CADPS: variants seen among roughly 807,000 people sequenced by gnomAD.
The protein encoded by CADPS is calcium-dependent secretion activator 1.
In CADPS, 57 loss-of-function variants were observed where a neutral mutation model predicts 167.3. The observed-to-expected ratio is 0.34, with a 90% CI of 0.28 to 0.42. The LOEUF (loss-of-function observed/expected upper bound fraction) is 0.42. CADPS is among the 20% of genes least tolerant of loss of function. The probability of loss-of-function intolerance (pLI) is 1.00; values close to 1 mark genes in which losing one functional copy is unlikely to be tolerated. For missense variants in CADPS, 1,414 were observed against 1,738.1 expected (o/e 0.81, Z 3.32); for synonymous variants, 676 against 635.3 (o/e 1.06, Z -0.96).
chr3:62,603,462 C>T (rs954571155), intron 6 of CADPS, among the ~76,000 whole-genome samples: 4 of 152,160 alleles, frequency 2.6e-5, no homozygotes, highest in South Asian at 2.1e-4. Flanking sequence ...AAATGCCTAT[C>T]GAATCAAGGC....
Position 62,600,345 on chromosome 3 carries a change from T to C in CADPS, c.1326-7597A>G, listed in dbSNP as rs147317451. 1.1e-4 allele frequency among the ~76,000 whole-genome samples: 16 copies of C among 152,190 alleles called. No homozygotes were observed. The East Asian group carries it at 2.9e-3, about 28-fold the overall frequency. On this transcript the variant is annotated intron_variant, in intron 6 of 29. Transcript: ENST00000383710. ...AGTGATGGAAAGTGCCACCAAGCTA[T>C]ATAATAAGCTGCTATTATTACTTTT...
chr3:62,657,559 G>A (rs1242314311), intron 4 of CADPS, among the ~76,000 whole-genome samples: 1 of 152,152 alleles, frequency 6.6e-6, no homozygotes, highest in Non-Finnish European at 1.5e-5. Context: ...ATCAACATGA[G>A]AGGATTTGGG....
At chr3:62,835,691 A>G (rs1339944178) in intron 1 of CADPS, among the ~76,000 whole-genome samples, 1 of 152,196 alleles carries the variant, frequency 6.6e-6, no homozygotes, top group Non-Finnish European at 1.5e-5. Context: ...TGAGCTGCGT[A>G]GTATTGCCAG....
At chr3:62,712,842 G>A (rs1034626527) in intron 3 of CADPS, among the ~76,000 whole-genome samples, 1 of 152,108 alleles carries the variant, frequency 6.6e-6, no homozygotes, top group Non-Finnish European at 1.5e-5. Context: ...TGTGCTCTAG[G>A]GCAGTCCTCT....
At chr3:62,855,992 A>G (rs901569356) in intron 1 of CADPS, among the ~76,000 whole-genome samples, 1 of 152,216 alleles carries the variant, frequency 6.6e-6, no homozygotes, top group Non-Finnish European at 1.5e-5. Context: ...ATAAACAAAG[A>G]CTATTCTTTG....
intron 23 of CADPS, among the ~76,000 whole-genome samples, chr3:62,475,407 G>A (rs2061144600): frequency 6.6e-6 from 1 of 151,966 alleles, no homozygotes; most frequent in South Asian, 2.1e-4. Flanking sequence ...AAGTTCTGGA[G>A]ATCATACAGC....
chr3:62,488,398 A>G (rs1191287512), intron 21 of CADPS, among the ~76,000 whole-genome samples: 42 of 152,198 alleles, frequency 2.8e-4, no homozygotes, highest in Admixed American at 2.7e-3. Flanking sequence ...GCCCCGTGGC[A>G]TCCACACTCT....
chr3:62,669,165 T>G (rs552434296), intron 3 of CADPS, among the ~76,000 whole-genome samples: 3 of 152,318 alleles, frequency 2.0e-5, no homozygotes, highest in Non-Finnish European at 4.4e-5. Context: ...TACTTTGCTT[T>G]CTCTCTACTT....
At chr3:62,431,104 AG>A (rs1451179495) in intron 28 of CADPS, among the ~76,000 whole-genome samples, 3 of 152,180 alleles carry the variant, frequency 2.0e-5, no homozygotes, top group Admixed American at 2.0e-4. Context: ...AGTATGGAAA[AG>A]CTCAGCTTCA....
In CADPS at chr3:62,874,914, C is replaced by G; in HGVS notation, c.116G>C (p.Ser39Thr). 6.9e-7 allele frequency: 1 copy of G among 1,450,752 alleles called. No homozygotes were observed. Among genetic ancestry groups the G allele is most frequent in the Admixed American group, 2.3e-5 (1 of 43,504 alleles). The allele number at this position is 1,450,752 out of a possible 1,614,324, so 89.9% of individuals were successfully genotyped here. A position where few individuals can be genotyped will look rare whatever the true frequency, so the allele number is the denominator to read the frequency against. The change falls in exon 1 of 30, where the codon AGC becomes ACC. Residue 39 changes from serine to threonine, a missense_variant. Coordinates refer to ENST00000383710, the MANE Select transcript of CADPS (RefSeq NM_003716.4). The surrounding 1 kb of genome is among the most constrained non-coding windows in gnomAD (Gnocchi z 7.1). ...CCCGGCGCTGCCGGCCGAGCCCTCG[C>G]TGGTACGGCTGGGAGACAGGCGCGC... Reference protein sequence around the residue: ...SGARLSPSRTSEGSAGSAGLG... With the variant: ...SGARLSPSRTTEGSAGSAGLG...
At chr3:62,633,945 C>T (rs987647348) in intron 6 of CADPS, among the ~76,000 whole-genome samples, 2 of 152,096 alleles carry the variant, frequency 1.3e-5, no homozygotes, top group African/African-American at 2.4e-5. Flanking sequence ...TTTACTTCCC[C>T]CTGCTGCCTC....
intron 9 of CADPS, among the ~76,000 whole-genome samples, chr3:62,560,192 T>C (rs532526315): frequency 6.6e-6 from 1 of 152,316 alleles, no homozygotes; most frequent in South Asian, 2.1e-4. Flanking sequence ...GATTTCTCTT[T>C]GAATGATTCT....
chr3:62,570,281 TA>T (rs1284268699), intron 9 of CADPS, among the ~76,000 whole-genome samples: 1 of 149,712 alleles, frequency 6.7e-6, no homozygotes, highest in Admixed American at 6.7e-5. Context: ...TTATCCTAGA[TA>T]TTAAACATAG....
intron 3 of CADPS, among the ~76,000 whole-genome samples, chr3:62,709,747 G>T (rs2083018587): frequency 6.7e-6 from 1 of 150,030 alleles, no homozygotes; most frequent in South Asian, 2.2e-4. Flanking sequence ...AGGACCACTG[G>T]GTTTTATTTT....
intron 26 of CADPS, among the ~76,000 whole-genome samples, chr3:62,452,358 T>TA (rs34407616): frequency 0.37 from 55,603 of 151,572 alleles, 11,616 homozygotes; most frequent in East Asian, 0.53. Flanking sequence ...AAAATACAAG[T>TA]AACATTCAAC....
intron 2 of CADPS, among the ~76,000 whole-genome samples, chr3:62,755,247 T>C (rs1317944090): frequency 1.3e-5 from 2 of 152,176 alleles, no homozygotes; most frequent in African/African-American, 4.8e-5. Context: ...GGAAAATCCC[T>C]GGTTGGTCTG....
chr3:62,757,443 G>C (rs2084239373), intron 2 of CADPS, among the ~76,000 whole-genome samples: 1 of 152,106 alleles, frequency 6.6e-6, no homozygotes, highest in African/African-American at 2.4e-5. Flanking sequence ...CTGGCATGTA[G>C]CTGGTGCTCA....
At chr3:62,748,487 G>A (rs1396869432) in intron 3 of CADPS, among the ~76,000 whole-genome samples, 1 of 151,992 alleles carries the variant, frequency 6.6e-6, no homozygotes, top group African/African-American at 2.4e-5. Flanking sequence ...GTTAAGCAGA[G>A]GAGTAGAAAG....
intron 3 of CADPS, among the ~76,000 whole-genome samples, chr3:62,748,344 C>CATAAAAAAAAA (rs2081977048): frequency 2.1e-5 from 1 of 48,508 alleles, no homozygotes; most frequent in African/African-American, 8.7e-5. Flanking sequence ...GACTCCGTCT[C>CATAAAAAAAAA]AAAAAAAAAA....
Sources: allele counts gnomAD v4.1 joint callset (sites outside exome capture counted in the v4.1 genomes callset), GRCh38; gene constraint gnomAD v4.1.1; non-coding constraint Gnocchi (gnomAD v3.1); transcripts MANE v1.5; gene names NCBI Gene and HGNC (gene_info 2026-07-23, HGNC 2026-07-21).